Variants in VWA8 observed in about 807,000 individuals in gnomAD.
VWA8 encodes von Willebrand factor A domain-containing protein 8.
Under a neutral mutation model 241.5 loss-of-function variants are expected in VWA8, and 221 were observed. That is an observed-to-expected ratio of 0.91 (90% CI 0.82 to 1.02). The LOEUF is 1.02. VWA8 is among the 50% of genes least tolerant of loss of function. The pLI is 0.00. For missense variants in VWA8, 2,322 were observed against 2,328.7 expected, an observed-to-expected ratio of 1.00 and a Z score of 0.06; for synonymous variants, 852 against 827.1, an observed-to-expected ratio of 1.03 and a Z score of -0.52.
intron 19 of VWA8, among the ~76,000 whole-genome samples, chr13:41,778,756 G>A (rs1447063363): frequency 6.7e-5 from 10 of 149,904 alleles, no homozygotes; most frequent in Admixed American, 2.7e-4. Flanking sequence ...TAAAGTTATT[G>A]ACGTTCCCTA....
chr13:41,811,454 A>G (rs956069089), intron 16 of VWA8, 114 bp from the exon 17 acceptor site: 1 of 609,748 alleles, frequency 1.6e-6, no homozygotes, highest in Admixed American at 3.1e-5. Flanking sequence ...CCAAACTTAA[A>G]GTATGTGCTG....
intron 4 of VWA8, among the ~76,000 whole-genome samples, chr13:41,898,953 G>T (rs1035702119): frequency 6.6e-6 from 1 of 152,212 alleles, no homozygotes; most frequent in Non-Finnish European, 1.5e-5. Flanking sequence ...ATTCCCGCTC[G>T]CGCCTCTTCC....
intron 9 of VWA8, among the ~76,000 whole-genome samples, chr13:41,879,382 TACACACACACACAC>T (rs3073827): frequency 1.5e-3 from 209 of 140,888 alleles, no homozygotes; most frequent in African/African-American, 5.3e-3. Flanking sequence ...CATACACACA[TACACACACACACAC>T]ACACACACAC....
In VWA8 at chr13:41,608,781, G is replaced by T. The variant is rs78717826; in HGVS notation, c.4877+2795C>A. Reference sequence around the variant, plus strand: ...TGCTTTTCACTGGTATAATGTTTCTGTTCTATTTTATTCATGTTTTATGCT... The same window carrying T: ...TGCTTTTCACTGGTATAATGTTTCTTTTCTATTTTATTCATGTTTTATGCT... On this transcript the variant is annotated intron_variant, in intron 39 of 44. Transcript: ENST00000379310. 8.1e-4 allele frequency among the ~76,000 whole-genome samples: 123 copies of T among 152,160 alleles called. 2 individuals are homozygous for T. The East Asian group carries it at 0.022, about 27-fold the overall frequency.
At chr13:41,910,489 C>T (rs1875938894) in intron 3 of VWA8, among the ~76,000 whole-genome samples, 1 of 151,202 alleles carries the variant, frequency 6.6e-6, no homozygotes, top group South Asian at 2.1e-4. Context: ...GAAGCTGAGG[C>T]AGGAGAATCA....
intron 19 of VWA8, among the ~76,000 whole-genome samples, chr13:41,782,843 A>C (rs1215552090): frequency 6.6e-6 from 1 of 151,938 alleles, no homozygotes; most frequent in African/African-American, 2.4e-5. Context: ...ATTTTCTCTA[A>C]AAAAATTCTT....
At chr13:41,860,043 A>C (rs1872938030) in intron 12 of VWA8, among the ~76,000 whole-genome samples, 2 of 152,200 alleles carry the variant, frequency 1.3e-5, no homozygotes, top group Non-Finnish European at 2.9e-5. Context: ...TGTCCCACAG[A>C]GGAGTCTTAT....
At chr13:41,578,067 G>GA (rs370341461) in intron 42 of VWA8, among the ~76,000 whole-genome samples, 60 of 151,784 alleles carry the variant, frequency 4.0e-4, no homozygotes, top group African/African-American at 1.1e-3. Flanking sequence ...ATGCCTAGGA[G>GA]AAAAAAAACA....
At chr13:41,730,385 T>C (rs1180869431) in intron 22 of VWA8, among the ~76,000 whole-genome samples, 1 of 152,176 alleles carries the variant, frequency 6.6e-6, no homozygotes, top group African/African-American at 2.4e-5. Flanking sequence ...AGTTCACACA[T>C]GACAGAAGTG....
At chr13:41,717,381 T>C (rs949911606) in intron 26 of VWA8, among the ~76,000 whole-genome samples, 2 of 151,962 alleles carry the variant, frequency 1.3e-5, no homozygotes, top group African/African-American at 4.8e-5. Context: ...TCTGTACCAA[T>C]AGAGAATTAG....
In VWA8 at chr13:41,960,954, C is replaced by A; in HGVS notation, c.62G>T (p.Arg21Leu). The A allele has an allele frequency of 2.7e-6, 4 of 1,461,302 alleles. No homozygotes were observed. The highest frequency in any genetic ancestry group is 3.0e-5 in the African/African-American group (2 of 67,694). The allele number at this position is 1,461,302 out of a possible 1,614,324, so 90.5% of individuals were successfully genotyped here. Residue 21 changes from arginine to leucine, a missense_variant, in exon 1 of 45, where the codon CGC becomes CTC. Transcript: ENST00000379310. ...PGGHGGPASR[R>L]MRLLLRQVVQ... ...CACCTGCCGCAGGAGCAGCCGCATG[C>A]GCCGCGAGGCCGGGCCGCCGTGGCC...
chr13:41,653,972 A>C (rs2044884945), intron 37 of VWA8, among the ~76,000 whole-genome samples: 1 of 152,204 alleles, frequency 6.6e-6, no homozygotes, highest in Non-Finnish European at 1.5e-5. Flanking sequence ...AAAACTAGGA[A>C]ATACCATTCT....
chr13:41,931,974 T>C (rs1877146565), intron 2 of VWA8, among the ~76,000 whole-genome samples: 2 of 152,062 alleles, frequency 1.3e-5, no homozygotes, highest in Admixed American at 1.3e-4. Context: ...TAAAAATCAA[T>C]GCAATAGAAA....
At chr13:41,609,044 T>C (rs756365086) in intron 39 of VWA8, among the ~76,000 whole-genome samples, 19 of 152,218 alleles carry the variant, frequency 1.2e-4, no homozygotes, top group Non-Finnish European at 2.8e-4. Context: ...ATTACTTGTA[T>C]GCACGTGTGT....
chr13:41,888,659 C>G (rs1363561355), intron 5 of VWA8, among the ~76,000 whole-genome samples: 1 of 152,100 alleles, frequency 6.6e-6, no homozygotes, highest in East Asian at 1.9e-4. Context: ...ATTTTTGTAC[C>G]CTTTTACTTT....
chr13:41,958,152 G>C (rs879095049), intron 1 of VWA8, among the ~76,000 whole-genome samples: 1 of 152,168 alleles, frequency 6.6e-6, no homozygotes, highest in Admixed American at 6.5e-5. Flanking sequence ...AGTGGGTTTG[G>C]GTTGAGTTTA....
intron 39 of VWA8, among the ~76,000 whole-genome samples, chr13:41,605,972 TC>T (rs942418492): frequency 1.3e-5 from 2 of 152,112 alleles, no homozygotes; most frequent in Non-Finnish European, 1.5e-5. Flanking sequence ...CACTAGAAGC[TC>T]CCCGTACACA....
At chr13:41,605,123 G>C in intron 40 of VWA8, 45 bp downstream of exon 40, 1 of 1,588,622 alleles carries the variant, frequency 6.3e-7, no homozygotes, top group South Asian at 1.1e-5. Context: ...AATGTGTCCA[G>C]GTTTGGGCCC....
At position 41,578,362 on chromosome 13, in the gene VWA8, C is replaced by T. The variant is rs147821123; in HGVS notation, c.5272-2524G>A. Among the ~76,000 whole-genome samples, 123 of 152,226 alleles carry T rather than the reference C, an allele frequency of 8.1e-4. No homozygotes were observed. In the East Asian group the frequency reaches 0.02, roughly 25 times the overall value. On this transcript the variant is annotated intron_variant, in intron 42 of 44. Coordinates refer to ENST00000379310, the MANE Select transcript of VWA8 (RefSeq NM_015058.2). ...TATTCTGTGACCAAAGCCAATAAAA[C>T]GCTTGGGAGGAATCTAAAGTACATC...
Sources: allele counts gnomAD v4.1 joint callset (sites outside exome capture counted in the v4.1 genomes callset), GRCh38; gene constraint gnomAD v4.1.1; transcripts MANE v1.5; gene names NCBI Gene and HGNC (gene_info 2026-07-23, HGNC 2026-07-21).